Variants in TUBB3 observed in about 807,000 individuals in gnomAD.
TUBB3 encodes tubulin beta-3 chain.
A neutral mutation model predicts 37.8 loss-of-function variants in TUBB3; 17 were observed. That is an observed-to-expected ratio of 0.45 (90% CI 0.31 to 0.67). The LOEUF (loss-of-function observed/expected upper bound fraction) is 0.67, where lower values mean the gene tolerates loss of function less well. Among genes scored for constraint, TUBB3 ranks in the 30% least tolerant of loss-of-function variants. The pLI is 0.07. For missense variants in TUBB3, 262 were observed against 657.9 expected, an observed-to-expected ratio of 0.40 and a Z score of 6.58; for synonymous variants, 332 against 278.9, an observed-to-expected ratio of 1.19 and a Z score of -1.90.
At chr16:89,926,611 T>C (rs1343072336) in intron 1 of TUBB3, among the ~76,000 whole-genome samples, 1 of 152,258 alleles carries the variant, frequency 6.6e-6, no homozygotes, top group African/African-American at 2.4e-5. Flanking sequence ...CCTGGCTCTG[T>C]CGCCCGGGCT....
rs769611014 is a variant in TUBB3 at position 89,934,868 on chromosome 16, G to C, written c.417G>C (p.Leu139=). The C allele has an allele frequency of 6.8e-6, 11 of 1,613,996 alleles. No homozygotes were observed. The highest frequency in any genetic ancestry group is 9.3e-6 in the Non-Finnish European group (11 of 1,180,026). The change falls in exon 4 of 4, where the codon CTG becomes CTC. Residue 139 remains leucine, a synonymous_variant. Transcript: ENST00000315491. ...AGGGCTTCCAGCTGACCCACTCGCT[G>C]GGGGGCGGCACGGGCTCCGGCATGG... ...CLQGFQLTHS[L]GGGTGSGMGT...
chr16:89,935,951 C>T lies in TUBB3; in HGVS notation c.*147C>T, dbSNP rs1165253631. ...CGCCCTCCTGCAGTATTTATGGCCT[C>T]GTCCTCCCCACCTAGGCCACGTGTG... On this transcript the variant is annotated 3_prime_UTR_variant, in exon 4 of 4. Coordinates refer to ENST00000315491, the MANE Select transcript of TUBB3 (RefSeq NM_006086.4). 1 of 1,027,846 alleles carries T rather than the reference C, an allele frequency of 9.7e-7. No homozygotes were observed. Among genetic ancestry groups the T allele is most frequent in the African/African-American group, 1.6e-5 (1 of 62,214 alleles). 63.7% of individuals were successfully genotyped at this position (1,027,846 alleles called of 1,614,324 possible).
intron 1 of TUBB3, among the ~76,000 whole-genome samples, chr16:89,931,404 G>GGA (rs2151091537): frequency 6.6e-6 from 1 of 152,358 alleles, no homozygotes; most frequent in South Asian, 2.1e-4. Context: ...AGGGGCATTG[G>GGA]GAGAGGTCAG....
rs915169808 is a variant in TUBB3, at chr16:89,925,940, G to A, written c.57+2482G>A. On this transcript the variant is annotated intron_variant, in intron 1 of 3. Transcript: ENST00000315491. ...CGCGGTCACCCCTGCGCTGGGAGCC[G>A]AGCCCCCGGCAGCTCGCGGGGATGC... Among the ~76,000 whole-genome samples, 38 of 152,206 alleles carry A rather than the reference G, an allele frequency of 2.5e-4. 1 individual carries two copies. The highest frequency in any genetic ancestry group is 2.0e-4 in the Admixed American group (3 of 15,290).
At position 89,923,521 on chromosome 16, in the gene TUBB3, C is replaced by A. The variant is rs929760240; in HGVS notation, c.57+63C>A. 3.0e-6 allele frequency: 4 copies of A among 1,322,678 alleles called. No homozygotes were observed. The Admixed American group carries it at 1.5e-4, about 48-fold the overall frequency. The allele number at this position is 1,322,678 out of a possible 1,614,324, so 81.9% of individuals were successfully genotyped here. On this transcript the variant is annotated intron_variant, in intron 1 of 3. Coordinates refer to ENST00000315491, the MANE Select transcript of TUBB3 (RefSeq NM_006086.4). ...GCGGGAGGAGGGAGGCGCCGTGCCCCGCGGGCCGCACCTCCAGCTGCCCCC... is the reference window on the plus strand; with the variant it reads ...GCGGGAGGAGGGAGGCGCCGTGCCCAGCGGGCCGCACCTCCAGCTGCCCCC...
At chr16:89,926,951 A>G (rs968488420) in intron 1 of TUBB3, among the ~76,000 whole-genome samples, 1 of 150,234 alleles carries the variant, frequency 6.7e-6, no homozygotes, top group Non-Finnish European at 1.5e-5. Context: ...TCCTGACCTC[A>G]GGTGATTCAC....
Position 89,935,553 on chromosome 16 carries a change from A to C in TUBB3, c.1102A>C (p.Ile368Leu). ...CGGCCTCAAGATGTCCTCCACCTTC[A>C]TCGGGAACAGCACGGCCATCCAGGA... ...PRGLKMSSTF[I>L]GNSTAIQELF... Residue 368 changes from isoleucine to leucine, a missense_variant, in exon 4 of 4, where the codon ATC becomes CTC. Around this residue, in one of 3 missense-constraint regions of TUBB3, gnomAD observed 165 missense variants for 556.8 expected, o/e 0.30. Coordinates refer to ENST00000315491, the MANE Select transcript of TUBB3 (RefSeq NM_006086.4). The C allele has an allele frequency of 6.2e-7, 1 of 1,614,140 alleles. No homozygotes were observed. Among genetic ancestry groups the C allele is most frequent in the Non-Finnish European group, 8.5e-7 (1 of 1,180,042 alleles).
chr16:89,929,582 A>G (rs943357265), intron 1 of TUBB3, among the ~76,000 whole-genome samples: 9 of 152,364 alleles, frequency 5.9e-5, no homozygotes, highest in Middle Eastern at 3.4e-3. Context: ...GAAAATCTCA[A>G]CAAGACCACA....
rs763331881 is a variant in TUBB3, at chr16:89,935,279, G to A, written c.828G>A (p.Arg276=). 1 of 1,613,682 alleles carries A rather than the reference G, an allele frequency of 6.2e-7. No homozygotes were observed. The highest frequency in any genetic ancestry group is 8.5e-7 in the Non-Finnish European group (1 of 1,179,952). Residue 276 remains arginine, a synonymous_variant, in exon 4 of 4, where the codon CGG becomes CGA. Transcript: ENST00000315491. ...FMPGFAPLTA[R]GSQQYRALTV... is the part of the protein sequence containing the mutation. ...CCGGCTTCGCCCCCCTCACAGCCCG[G>A]GGCAGCCAGCAGTACCGGGCCCTGA...
chr16:89,923,395 G>A lies in TUBB3; in HGVS notation c.-7G>A. ...CCGTCCGCAGCCGCCCGCCAGACGC[G>A]CCCAGTATGAGGGAGATCGTGCACA... is the stretch of plus-strand genomic sequence containing the variant. On this transcript the variant is annotated 5_prime_UTR_variant, in exon 1 of 4. Transcript: ENST00000315491. 6.7e-7 allele frequency: 1 copy of A among 1,485,854 alleles called. No homozygotes were observed. The highest frequency in any genetic ancestry group is 9.0e-7 in the Non-Finnish European group (1 of 1,115,852). 92.0% of individuals were successfully genotyped at this position (1,485,854 alleles called of 1,614,324 possible).
At chr16:89,934,027 G>A (rs1186759989) in intron 3 of TUBB3, 18 of 476,840 alleles carry the variant, frequency 3.8e-5, no homozygotes, top group African/African-American at 6.9e-5. Flanking sequence ...GGGCGGGGCC[G>A]TGGATGCCAC....
chr16:89,925,756 T>C (rs2030053308), intron 1 of TUBB3, among the ~76,000 whole-genome samples: 1 of 152,016 alleles, frequency 6.6e-6, no homozygotes, highest in South Asian at 2.1e-4. Flanking sequence ...CCGCAGCTGA[T>C]AGGGGGTGCA....
chr16:89,925,213 G>T (rs1898996496), intron 1 of TUBB3, among the ~76,000 whole-genome samples: 1 of 152,188 alleles, frequency 6.6e-6, no homozygotes, highest in African/African-American at 2.4e-5. Context: ...CTCTGCTTCT[G>T]AACACTGGAG....
intron 1 of TUBB3, among the ~76,000 whole-genome samples, chr16:89,928,305 C>G (rs2030156877): frequency 6.6e-6 from 1 of 151,890 alleles, no homozygotes; most frequent in Non-Finnish European, 1.5e-5. Context: ...ATCCACCTCT[C>G]TTGGCCTCCC....
intron 1 of TUBB3, among the ~76,000 whole-genome samples, chr16:89,930,174 G>T (rs956690969): frequency 6.7e-6 from 1 of 149,990 alleles, no homozygotes; most frequent in African/African-American, 2.5e-5. Context: ...GCGCGATCTC[G>T]ACTCACCACA....
Position 89,935,129 on chromosome 16 carries a change from C to A in TUBB3, c.678C>A (p.Asn226Lys). 6.2e-7 allele frequency: 1 copy of A among 1,614,146 alleles called. No individual in the cohort carries two copies. The highest frequency in any genetic ancestry group is 8.5e-7 in the Non-Finnish European group (1 of 1,180,028). Residue 226 changes from asparagine (N) to lysine (K), a missense_variant, in exon 4 of 4, where the codon AAC becomes AAA. Coordinates refer to ENST00000315491, the MANE Select transcript of TUBB3 (RefSeq NM_006086.4). ...CCACGCCCACCTACGGGGACCTCAA[C>A]CACCTGGTATCGGCCACCATGAGCG... ...KLATPTYGDL[N>K]HLVSATMSGV... is the part of the protein sequence containing the mutation.
chr16:89,923,645 C>T (rs758520549), intron 1 of TUBB3, among the ~76,000 whole-genome samples, 187 bp downstream of exon 1: 3 of 152,180 alleles, frequency 2.0e-5, no homozygotes, highest in Non-Finnish European at 4.4e-5. Context: ...ACCTCTCTGC[C>T]CCTGCCCAGG....
intron 1 of TUBB3, among the ~76,000 whole-genome samples, chr16:89,923,844 G>T (rs1174658121): frequency 6.6e-6 from 1 of 151,448 alleles, no homozygotes; most frequent in Admixed American, 6.6e-5. Context: ...GGGTAGGCAG[G>T]TTTGGGTGGG....
intron 2 of TUBB3, chr16:89,933,003 G>C (rs1487679940): frequency 2.0e-6 from 1 of 496,550 alleles, no homozygotes; most frequent in African/African-American, 1.9e-5. Context: ...CACCTGGAGG[G>C]CTTAGTCAGG....
Sources: gnomAD v4.1 joint callset for allele counts (sites outside exome capture counted in the v4.1 genomes callset) on GRCh38, gnomAD v4.1.1 for gene constraint, gnomAD v4.1.1 regional missense constraint, MANE v1.5 for transcripts, NCBI Gene and HGNC (gene_info 2026-07-23, HGNC 2026-07-21) for gene names.